The following ERO1B variants were observed in gnomAD, a reference collection of about 807,000 sequenced individuals.
ERO1B encodes endoplasmic reticulum oxidoreductase 1 beta.
Under a neutral mutation model 75.3 loss-of-function variants are expected in ERO1B, and 49 were observed. The ratio of observed to expected loss-of-function variants is 0.65; its 90% CI spans 0.52 to 0.83. The LOEUF is 0.83. Among genes scored for constraint, ERO1B ranks in the 40% least tolerant of loss-of-function variants. The pLI, the probability that ERO1B is intolerant of heterozygous loss-of-function variation, is 0.00. For synonymous variants in ERO1B, 191 were observed against 192.9 expected (o/e 0.99, Z 0.08); for missense variants, 512 against 560.1 (o/e 0.91, Z 0.87).
Position 236,236,314 on chromosome 1 carries a change from C to T in ERO1B, c.590G>A (p.Arg197Lys), listed in dbSNP as rs1273204448. ...YTGYKGTSAW[R>K]VWNSIYEENC... is the part of the protein sequence containing the mutation. ...CTCTTCATAGATGCTGTTCCACACT[C>T]TCCATGCAGAGGTCCCTTTATAGCC... Residue 197 changes from arginine (R) to lysine (K), a missense_variant, in exon 7 of 16, where the codon AGA becomes AAA. Coordinates refer to ENST00000354619, the MANE Select transcript of ERO1B (RefSeq NM_019891.4). 1.2e-6 allele frequency: 2 copies of T among 1,613,764 alleles called. No homozygotes were observed.
chr1:236,234,836 CCTCA>C (rs1331831671), intron 8 of ERO1B, among the ~76,000 whole-genome samples: 2 of 152,196 alleles, frequency 1.3e-5, no homozygotes, highest in African/African-American at 4.8e-5. Flanking sequence ...GGGTTTGGTT[CCTCA>C]CTGAGAACAG....
intron 2 of ERO1B, among the ~76,000 whole-genome samples, chr1:236,258,112 AG>A (rs1414997790): frequency 1.0e-4 from 8 of 79,996 alleles, no homozygotes; most frequent in Non-Finnish European, 1.6e-4. Context: ...AAGGACAGAA[AG>A]AGAGAGAGAG....
intron 9 of ERO1B, among the ~76,000 whole-genome samples, chr1:236,230,730 T>C (rs981399833): frequency 6.7e-6 from 1 of 148,666 alleles, no homozygotes; most frequent in Non-Finnish European, 1.5e-5. Context: ...AACCTACAAA[T>C]AATTTAAGTA....
intron 15 of ERO1B, among the ~76,000 whole-genome samples, chr1:236,219,903 A>T (rs531224159): frequency 6.6e-6 from 1 of 152,084 alleles, no homozygotes; most frequent in African/African-American, 2.4e-5. Flanking sequence ...ATGTGTCCGT[A>T]GTCCCAGCTA....
intron 2 of ERO1B, among the ~76,000 whole-genome samples, chr1:236,260,744 C>T (rs1490052704): frequency 1.3e-5 from 2 of 151,134 alleles, no homozygotes; most frequent in South Asian, 4.2e-4. Context: ...AGAACAGCAA[C>T]CAATCCTTAA....
At chr1:236,253,640 T>G in intron 2 of ERO1B, 135 bp from the exon 3 acceptor site, 1 of 628,726 alleles carries the variant, frequency 1.6e-6, no homozygotes, top group South Asian at 2.0e-5. Context: ...CCTATAAGGT[T>G]CAGAATTTAA....
At chr1:236,230,611 CAAAA>C (rs397983348) in intron 9 of ERO1B, among the ~76,000 whole-genome samples, 3,593 of 58,382 alleles carry the variant, frequency 0.062, 131 homozygotes, top group East Asian at 0.43. Flanking sequence ...GACCCTGTCT[CAAAA>C]AAAAAAAAAA....
intron 10 of ERO1B, among the ~76,000 whole-genome samples, chr1:236,228,236 C>A (rs1468220401): frequency 6.6e-6 from 1 of 152,124 alleles, no homozygotes; most frequent in Non-Finnish European, 1.5e-5. Context: ...CCCACAAAGC[C>A]CCTACCACTG....
chr1:236,264,635 G>A (rs1665377517), intron 2 of ERO1B, among the ~76,000 whole-genome samples: 1 of 151,980 alleles, frequency 6.6e-6, no homozygotes, highest in African/African-American at 2.4e-5. Context: ...CTTGAGATCA[G>A]GAGTTCAAGA....
intron 4 of ERO1B, among the ~76,000 whole-genome samples, chr1:236,251,074 A>G (rs1408990348): frequency 6.6e-6 from 1 of 152,196 alleles, no homozygotes; most frequent in African/African-American, 2.4e-5. Context: ...ACAACTGACT[A>G]CAGCTATTAA....
chr1:236,274,871 A>G (rs1400500623), intron 1 of ERO1B, among the ~76,000 whole-genome samples: 1 of 152,212 alleles, frequency 6.6e-6, no homozygotes, highest in Non-Finnish European at 1.5e-5. Flanking sequence ...AGATAAAACT[A>G]AGGACTGGAA....
Position 236,221,641 on chromosome 1 carries a change from C to T in ERO1B, c.1209+283G>A, listed in dbSNP as rs2477586. On this transcript the variant is annotated intron_variant, in intron 14 of 15. Coordinates refer to ENST00000354619, the MANE Select transcript of ERO1B (RefSeq NM_019891.4). Reference sequence around the variant, plus strand: ...TACATATGTAAAATACGGATATACTCGGTTCGTAATGACCACCAACTTCAC... The same window carrying T: ...TACATATGTAAAATACGGATATACTTGGTTCGTAATGACCACCAACTTCAC... The T allele has an allele frequency of 0.44, 126,183 of 285,900 alleles. 29,837 individuals are homozygous for T. The highest frequency in any genetic ancestry group is 0.87 in the East Asian group (9,958 of 11,418). The allele number at this position is 285,900 out of a possible 1,614,324, so 17.7% of individuals were successfully genotyped here.
intron 1 of ERO1B, among the ~76,000 whole-genome samples, chr1:236,270,970 A>G (rs1457629499): frequency 6.6e-6 from 1 of 152,200 alleles, no homozygotes; most frequent in Non-Finnish European, 1.5e-5. Context: ...TGTGATGGTG[A>G]ACACATGAAC....
intron 10 of ERO1B, among the ~76,000 whole-genome samples, chr1:236,228,412 A>G (rs559406177): frequency 1.3e-5 from 2 of 152,340 alleles, no homozygotes; most frequent in South Asian, 4.1e-4. Context: ...CTCCTGGCCT[A>G]CACACAGTCT....
rs114026407 is a variant in ERO1B at position 236,280,232 on chromosome 1, T to C, written c.102+1450A>G. Among the ~76,000 whole-genome samples the C allele has an allele frequency of 3.6e-3, 551 of 152,322 alleles. 4 individuals carry two copies. Among genetic ancestry groups the C allele is most frequent in the African/African-American group, 0.013 (526 of 41,574 alleles). The stretch of plus-strand genomic sequence containing the variant: ...CTAGACAGATAAGCATAAATTAATA[T>C]GTGCTATATAAAAAGAGAAAATGGG... On this transcript the variant is annotated intron_variant, in intron 1 of 15. Transcript: ENST00000354619.
At chr1:236,243,886 T>C (rs1334063651) in intron 5 of ERO1B, among the ~76,000 whole-genome samples, 2 of 152,182 alleles carry the variant, frequency 1.3e-5, no homozygotes, top group African/African-American at 2.4e-5. Flanking sequence ...AGAATTCTTT[T>C]AATTTAAATT....
chr1:236,251,979 C>T lies in ERO1B; in HGVS notation c.348+71G>A, dbSNP rs1385609529. 5.3e-6 allele frequency: 6 copies of T among 1,125,746 alleles called. No individual in the cohort carries two copies. The East Asian group carries it at 1.5e-4, about 28-fold the overall frequency. 69.7% of individuals were successfully genotyped at this position (1,125,746 alleles called of 1,614,324 possible). On this transcript the variant is annotated intron_variant, in intron 4 of 15. Coordinates refer to ENST00000354619, the MANE Select transcript of ERO1B (RefSeq NM_019891.4). ...ACCATAATATGGTTCTTTACTACAG[C>T]CACTGTCAGTCAGTAAATGGTAAGT...
intron 1 of ERO1B, among the ~76,000 whole-genome samples, chr1:236,272,379 AT>A (rs111253311): frequency 1.3e-4 from 20 of 152,224 alleles, no homozygotes; most frequent in African/African-American, 4.6e-4. Context: ...CTAAGTAGCC[AT>A]TTTAAAAAAA....
At chr1:236,279,771 G>C (rs553746566) in intron 1 of ERO1B, among the ~76,000 whole-genome samples, 8 of 150,826 alleles carry the variant, frequency 5.3e-5, no homozygotes, top group South Asian at 2.1e-4. Flanking sequence ...GCTTGAACCT[G>C]TGAGGCAGAG....
Sources: gnomAD v4.1 joint callset for allele counts (sites outside exome capture counted in the v4.1 genomes callset) on GRCh38, gnomAD v4.1.1 for gene constraint, MANE v1.5 for transcripts, NCBI Gene and HGNC (gene_info 2026-07-23, HGNC 2026-07-21) for gene names.